The following TAS2R1 variants were observed in gnomAD, a reference collection of about 807,000 sequenced individuals.
The protein encoded by TAS2R1 is taste receptor type 2 member 1.
For synonymous variants in TAS2R1, 141 were observed against 134.2 expected (o/e 1.05, Z -0.35); for missense variants, 370 against 353.4 (o/e 1.05, Z -0.38).
At chr5:9,875,456 C>CA in the TAS2R1 span, among the ~76,000 whole-genome samples, 1 of 152,160 alleles carries the variant, frequency 6.6e-6, no homozygotes. Context: ...GAGCTTGGTC[C>CA]AACCTGTGCC....
the TAS2R1 span, chr5:9,854,680 G>C: frequency 1.3e-5 from 2 of 152,142 alleles, no homozygotes; most frequent in Non-Finnish European, 2.9e-5. Flanking sequence ...TTAAAACTAA[G>C]ATAAGGATAC....
At chr5:9,772,590 A>G in the TAS2R1 span, among the ~76,000 whole-genome samples, 2 of 152,134 alleles carry the variant, frequency 1.3e-5, no homozygotes, top group South Asian at 4.1e-4. Context: ...ATGCTAAAAG[A>G]CAGGTGTTGA....
chr5:9,884,169 A>G, the TAS2R1 span: 1 of 152,202 alleles, frequency 6.6e-6, no homozygotes, highest in Non-Finnish European at 1.5e-5. Context: ...TTGCCTAAAC[A>G]TCCCTTAAAG....
the TAS2R1 span, among the ~76,000 whole-genome samples, chr5:9,852,340 C>T: frequency 2.0e-5 from 3 of 151,804 alleles, no homozygotes; most frequent in East Asian, 5.8e-4. Flanking sequence ...ACAAGAGTGT[C>T]CAAACTTATT....
the TAS2R1 span, among the ~76,000 whole-genome samples, chr5:9,727,540 C>A: frequency 6.6e-6 from 1 of 152,114 alleles, no homozygotes; most frequent in Non-Finnish European, 1.5e-5. Context: ...ACTCCTACCA[C>A]CCAGGAAAGA....
At chr5:9,794,406 A>T in the TAS2R1 span, among the ~76,000 whole-genome samples, 2 of 152,128 alleles carry the variant, frequency 1.3e-5, no homozygotes, top group African/African-American at 2.4e-5. Flanking sequence ...AATATTTTTT[A>T]AATGCTTATG....
the TAS2R1 span, among the ~76,000 whole-genome samples, chr5:9,890,873 A>G: frequency 1.3e-5 from 2 of 152,220 alleles, no homozygotes; most frequent in Non-Finnish European, 2.9e-5. Flanking sequence ...TGAAATGATA[A>G]TCAAAGTGGA....
At chr5:9,655,761 T>C (rs774807016) in intron 2 of TAS2R1, among the ~76,000 whole-genome samples, 2 of 151,598 alleles carry the variant, frequency 1.3e-5, no homozygotes, top group Admixed American at 6.6e-5. Context: ...TGTCTTAAAG[T>C]GTCTAGACTC....
chr5:9,688,359 T>A (rs1487904869), intron 1 of TAS2R1, among the ~76,000 whole-genome samples: 1 of 152,200 alleles, frequency 6.6e-6, no homozygotes, highest in Non-Finnish European at 1.5e-5. Context: ...TGAACTACTA[T>A]CATGTAACAA....
At chr5:9,792,100 G>A in the TAS2R1 span, among the ~76,000 whole-genome samples, 4 of 152,234 alleles carry the variant, frequency 2.6e-5, no homozygotes, top group South Asian at 4.2e-4. Flanking sequence ...TTCAATGTAG[G>A]GAAACCACAC....
the TAS2R1 span, among the ~76,000 whole-genome samples, chr5:9,891,714 G>A: frequency 6.6e-6 from 1 of 152,152 alleles, no homozygotes; most frequent in African/African-American, 2.4e-5. Flanking sequence ...CTCTGCAGAT[G>A]GAAGCCCAGA....
chr5:9,685,583 G>A (rs1741108501), intron 1 of TAS2R1, among the ~76,000 whole-genome samples: 1 of 152,038 alleles, frequency 6.6e-6, no homozygotes, highest in Admixed American at 6.6e-5. Flanking sequence ...TTTAAAAACT[G>A]TGTCTAAGTT....
At chr5:9,670,718 A>AAGACC (rs1431275185) in intron 1 of TAS2R1, among the ~76,000 whole-genome samples, 3 of 152,216 alleles carry the variant, frequency 2.0e-5, no homozygotes, top group African/African-American at 4.8e-5. Context: ...ATGTATAACG[A>AAGACC]AGAGCTGGTA....
the TAS2R1 span, among the ~76,000 whole-genome samples, chr5:9,894,900 G>T: frequency 1.7e-4 from 26 of 152,352 alleles, no homozygotes; most frequent in South Asian, 4.8e-3. Context: ...TGAGAATGAG[G>T]TTTTCAGGCT....
the TAS2R1 span, among the ~76,000 whole-genome samples, chr5:9,800,597 G>A: frequency 1.3e-5 from 2 of 152,180 alleles, no homozygotes; most frequent in African/African-American, 4.8e-5. Flanking sequence ...GCACCTCCAA[G>A]TGCCTGTGTA....
chr5:9,708,316 C>T (rs370306494), intron 1 of TAS2R1, among the ~76,000 whole-genome samples: 1 of 152,180 alleles, frequency 6.6e-6, no homozygotes, highest in South Asian at 2.1e-4. Flanking sequence ...AGGTGCTGTG[C>T]CGCAGAGCAG....
intron 1 of TAS2R1, among the ~76,000 whole-genome samples, chr5:9,674,965 TA>T (rs1018792692): frequency 1.3e-5 from 2 of 151,808 alleles, no homozygotes; most frequent in Non-Finnish European, 2.9e-5. Context: ...AATCAGCAAT[TA>T]AAAAATCATA....
At chr5:9,848,260 T>C in the TAS2R1 span, among the ~76,000 whole-genome samples, 1 of 152,240 alleles carries the variant, frequency 6.6e-6, no homozygotes, top group East Asian at 1.9e-4. Context: ...AACGCTTCTT[T>C]CTTTGTAACT....
chr5:9,882,302 T>C, the TAS2R1 span, among the ~76,000 whole-genome samples: 6 of 152,094 alleles, frequency 3.9e-5, no homozygotes, highest in East Asian at 1.9e-4. Flanking sequence ...CACAATGAGA[T>C]AGTATCTCGT....
Sources: allele counts gnomAD v4.1 joint callset (sites outside exome capture counted in the v4.1 genomes callset), GRCh38; gene constraint gnomAD v4.1.1; transcripts MANE v1.5; gene names NCBI Gene and HGNC (gene_info 2026-07-23, HGNC 2026-07-21).